Variants in SSH1 observed in about 807,000 individuals in gnomAD.
The protein encoded by SSH1 is slingshot protein phosphatase 1, also known as protein phosphatase Slingshot homolog 1.
A neutral mutation model predicts 79.7 loss-of-function variants in SSH1; 43 were observed. The observed-to-expected ratio is 0.54, with a 90% CI of 0.42 to 0.70. The LOEUF (loss-of-function observed/expected upper bound fraction) is 0.70, where lower values mean the gene tolerates loss of function less well. Ranked by LOEUF, SSH1 falls within the 30% of genes least tolerant of loss-of-function variation. The probability of loss-of-function intolerance (pLI) is 0.00; values close to 1 mark genes in which losing one functional copy is unlikely to be tolerated. For missense variants in SSH1, 1,206 were observed against 1,358.8 expected (o/e 0.89, Z 1.77); for synonymous variants, 599 against 538.3 (o/e 1.11, Z -1.56).
chr12:108,853,579 G>A (rs1048798829), intron 1 of SSH1, among the ~76,000 whole-genome samples: 3 of 152,132 alleles, frequency 2.0e-5, no homozygotes, highest in African/African-American at 7.2e-5. Context: ...AATGTAGGGA[G>A]GGGCCTGGGC....
intron 11 of SSH1, 109 bp from the exon 12 acceptor site, chr12:108,801,035 G>T (rs1227011438): frequency 8.9e-7 from 1 of 1,129,838 alleles, no homozygotes; most frequent in Non-Finnish European, 1.3e-6. Context: ...ATTAACCAAG[G>T]GTCATATGTT....
chr12:108,856,738 A>G (rs985545480), intron 1 of SSH1, among the ~76,000 whole-genome samples: 11 of 152,162 alleles, frequency 7.2e-5, no homozygotes, highest in African/African-American at 2.4e-4. Context: ...CAGTCCCCGG[A>G]CGGCAGGTCA....
intron 2 of SSH1, chr12:108,826,360 ACT>A (rs1290720245): frequency 9.2e-6 from 3 of 327,298 alleles, no homozygotes; most frequent in South Asian, 4.8e-5. Flanking sequence ...GCCCTGGAAC[ACT>A]CTGCCTCTGT....
Position 108,857,359 on chromosome 12 carries a change from G to A in SSH1, c.69+69C>T. 1 of 915,086 alleles carries A rather than the reference G, an allele frequency of 1.1e-6. No homozygotes were observed. The highest frequency in any genetic ancestry group is 1.3e-6 in the Non-Finnish European group (1 of 766,774). 56.7% of individuals were successfully genotyped at this position (915,086 alleles called of 1,614,324 possible). ...GCCGCCCCCCTGCCCCGCACGCGCG[G>A]CCCCAGCTCCGGCGGCCTCGGCGCG... On this transcript the variant is annotated intron_variant, in intron 1 of 14. Coordinates refer to ENST00000326495, the MANE Select transcript of SSH1 (RefSeq NM_018984.4). This position sits in a 1 kb window ranked among gnomAD's most constrained non-coding sequence, Gnocchi z 4.7.
At chr12:108,853,707 T>C (rs2039090103) in intron 1 of SSH1, among the ~76,000 whole-genome samples, 2 of 152,086 alleles carry the variant, frequency 1.3e-5, no homozygotes, top group South Asian at 4.1e-4. Context: ...GCGGATCACC[T>C]GAGGTCAGGA....
At chr12:108,849,104 CCCAATTCCAATCTTGGGCCTCAG>C (rs1271657834) in intron 2 of SSH1, among the ~76,000 whole-genome samples, 2 of 152,200 alleles carry the variant, frequency 1.3e-5, no homozygotes, top group Non-Finnish European at 2.9e-5. Context: ...TACAGGATTT[CCCAATTCCAATCTTGGGCCTCAG>C]CCACCAACCG....
intron 13 of SSH1, among the ~76,000 whole-genome samples, chr12:108,793,678 G>A (rs1438828257): frequency 2.0e-5 from 3 of 152,048 alleles, no homozygotes; most frequent in African/African-American, 7.2e-5. Context: ...TTACTGGCAT[G>A]AGCCACTGCA....
At chr12:108,837,488 G>A (rs970893739) in intron 2 of SSH1, among the ~76,000 whole-genome samples, 1 of 152,096 alleles carries the variant, frequency 6.6e-6, no homozygotes, top group Non-Finnish European at 1.5e-5. Flanking sequence ...AGAATGCCCT[G>A]GTCTGTATTC....
intron 2 of SSH1, among the ~76,000 whole-genome samples, chr12:108,834,917 T>A (rs2038562168): frequency 6.6e-6 from 1 of 152,248 alleles, no homozygotes; most frequent in African/African-American, 2.4e-5. Flanking sequence ...TAACTCACCC[T>A]GGTCATCTCT....
chr12:108,813,435 C>T (rs1462085162), intron 5 of SSH1, among the ~76,000 whole-genome samples: 1 of 151,588 alleles, frequency 6.6e-6, no homozygotes, highest in Non-Finnish European at 1.5e-5. Flanking sequence ...TAATCCTGCT[C>T]GGGTGTGGTG....
chr12:108,791,934 A>C, intron 14 of SSH1: 1 of 1,306,502 alleles, frequency 7.7e-7, no homozygotes, highest in Non-Finnish European at 9.8e-7. Context: ...TTGGCTGATA[A>C]ATTATATGTT....
intron 11 of SSH1, 134 bp from the exon 12 acceptor site, chr12:108,801,060 G>A (rs2036980884): frequency 2.3e-6 from 2 of 871,180 alleles, no homozygotes; most frequent in Non-Finnish European, 3.6e-6. Context: ...GCGGGACTTT[G>A]GTTTTTCCTT....
rs1394548793 is a variant in SSH1 at position 108,788,663 on chromosome 12, G to A, written c.2475C>T (p.His825=). Residue 825 remains histidine (H), a synonymous_variant, in exon 15 of 15, where the codon CAC becomes CAT. Coordinates refer to ENST00000326495, the MANE Select transcript of SSH1 (RefSeq NM_018984.4). ...TCTTCAGCCGCTCTAGCTCTTTGGTGTGCTTGCGGACCAAGCCTGCCTTCT... is the reference window on the plus strand; with the variant it reads ...TCTTCAGCCGCTCTAGCTCTTTGGTATGCTTGCGGACCAAGCCTGCCTTCT... ...QLQKAGLVRK[H]TKELERLKSV... 3.7e-6 allele frequency: 6 copies of A among 1,613,948 alleles called. No homozygotes were observed. The highest frequency in any genetic ancestry group is 1.3e-5 in the African/African-American group (1 of 74,936).
In SSH1 at chr12:108,806,397, G is replaced by A. The variant is rs756250286; in HGVS notation, c.732-3C>T. The stretch of plus-strand genomic sequence containing the variant: ...CGGTCCTTTCCCCTTCAGTGGGCCT[G>A]GAAAGAAATGACGTTTAGGAGAGCA... On this transcript the variant is annotated splice_region_variant and splice_polypyrimidine_tract_variant and intron_variant, in intron 8 of 14. Coordinates refer to ENST00000326495, the MANE Select transcript of SSH1 (RefSeq NM_018984.4). 6 of 1,613,922 alleles carry A rather than the reference G, an allele frequency of 3.7e-6. No homozygotes were observed. The South Asian group carries it at 5.5e-5, about 15-fold the overall frequency.
At chr12:108,801,003 G>A (rs1022777114) in intron 11 of SSH1, 77 bp from the exon 12 acceptor site, 108 of 1,460,356 alleles carry the variant, frequency 7.4e-5, no homozygotes, top group Non-Finnish European at 9.6e-5. Flanking sequence ...AAAACTGGCA[G>A]AGAAAAGAAA....
intron 7 of SSH1, 31 bp downstream of exon 7, chr12:108,809,662 G>A (rs1198666840): frequency 6.3e-6 from 10 of 1,577,986 alleles, no homozygotes; most frequent in South Asian, 1.1e-5. Context: ...AATATTTCTA[G>A]GGAGTTAAAA....
In SSH1 at chr12:108,784,250, G is replaced by T. The variant is rs140654765; in HGVS notation, c.*3738C>A. 3.9e-5 allele frequency: 6 copies of T among 152,312 alleles called. No individual in the cohort carries two copies. The East Asian group carries it at 1.2e-3, about 29-fold the overall frequency. The allele number at this position is 152,312 out of a possible 1,614,324, so 9.4% of individuals were successfully genotyped here. A position where few individuals can be genotyped will look rare whatever the true frequency, so the allele number is the denominator to read the frequency against. On this transcript the variant is annotated 3_prime_UTR_variant, in exon 15 of 15. Transcript: ENST00000326495. ...TGCATTAGTCCAGGGCCGTGCTGAG[G>T]GTCTGTTCTGTTCAAGCTCAGCTCC... is the stretch of plus-strand genomic sequence containing the variant.
chr12:108,806,167 A>C, intron 9 of SSH1, 134 bp downstream of exon 9: 1 of 855,848 alleles, frequency 1.2e-6, no homozygotes, highest in Non-Finnish European at 2.0e-6. Flanking sequence ...GGCAGAAAAA[A>C]GCCTCCGGGG....
At chr12:108,806,197 T>C in intron 9 of SSH1, 104 bp downstream of exon 9, 1 of 1,105,658 alleles carries the variant, frequency 9.0e-7, no homozygotes, top group Non-Finnish European at 1.4e-6. Flanking sequence ...AGAGGACAGG[T>C]AAAGACAACC....
Sources: gnomAD v4.1 joint callset for allele counts (sites outside exome capture counted in the v4.1 genomes callset) on GRCh38, gnomAD v4.1.1 for gene constraint, Gnocchi (gnomAD v3.1) non-coding constraint, MANE v1.5 for transcripts, NCBI Gene and HGNC (gene_info 2026-07-23, HGNC 2026-07-21) for gene names.